The following SLC27A4 variants were observed in gnomAD, a reference collection of about 807,000 sequenced individuals.
The protein encoded by SLC27A4 is solute carrier family 27 member 4.
In SLC27A4, 33 loss-of-function variants were observed where a neutral mutation model predicts 64.4. The ratio of observed to expected loss-of-function variants is 0.51; its 90% CI spans 0.39 to 0.68. The LOEUF is 0.68. Ranked by LOEUF, SLC27A4 falls within the 30% of genes least tolerant of loss-of-function variation. The pLI, the probability that SLC27A4 is intolerant of heterozygous loss-of-function variation, is 0.00. For synonymous variants in SLC27A4, 377 were observed against 370.0 expected (o/e 1.02, Z -0.22); for missense variants, 824 against 883.5 (o/e 0.93, Z 0.85).
chr9:128,354,679 G>A (rs1355747874), intron 9 of SLC27A4, among the ~76,000 whole-genome samples: 1 of 151,990 alleles, frequency 6.6e-6, no homozygotes, highest in African/African-American at 2.4e-5. Context: ...TGGGAGTGGT[G>A]GCTCACACCT....
chr9:128,360,348 C>T lies in SLC27A4; in HGVS notation c.1789C>T (p.Gln597Ter). The change falls in exon 13 of 13, where the codon CAG becomes TAG. Residue 597 changes from glutamine to a stop codon, truncating the protein, a stop_gained. Transcript: ENST00000300456. LOFTEE classifies it high-confidence loss of function. Reference protein sequence around the residue: ...ELHKTGTYKFQKTELRKEGFD... With the variant: ...ELHKTGTYKF The stretch of plus-strand genomic sequence containing the variant: ...TGCTCTCCCAGGAACCTACAAGTTC[C>T]AGAAGACAGAGCTACGGAAGGAGGG... 1.2e-6 allele frequency: 2 copies of T among 1,614,114 alleles called. No homozygotes were observed. Among genetic ancestry groups the T allele is most frequent in the African/African-American group, 1.3e-5 (1 of 75,026 alleles).
In SLC27A4 at chr9:128,355,697, A is replaced by G; in HGVS notation, c.1675A>G (p.Asn559Asp). ...GGCTGCTGTGGCCAGCCCCACTGGCAACTGTGACCTGGAGCGCTTTGCTCA... is the reference window on the plus strand; with the variant it reads ...GGCTGCTGTGGCCAGCCCCACTGGCGACTGTGACCTGGAGCGCTTTGCTCA... The part of the protein sequence containing the change: ...GMAAVASPTG[N>D]CDLERFAQVL... Residue 559 changes from asparagine (N) to aspartate (D), a missense_variant, in exon 12 of 13, where the codon AAC becomes GAC. Physicochemically the swap from Asn to Asp is conservative, Grantham distance 23. Transcript: ENST00000300456. 1 of 1,613,090 alleles carries G rather than the reference A, an allele frequency of 6.2e-7. No individual in the cohort carries two copies. Among genetic ancestry groups the G allele is most frequent in the East Asian group, 2.2e-5 (1 of 44,884 alleles).
rs563338157 is a variant in SLC27A4, at chr9:128,345,124, A to C, written c.162-31A>C. On this transcript the variant is annotated intron_variant, in intron 2 of 12. Transcript: ENST00000300456. The surrounding 1 kb of genome is among the most constrained non-coding windows in gnomAD (Gnocchi z 4.1). Reference sequence around the variant, plus strand: ...AGGACCCCTCCCTCCCAACCATGGCAGACACAGCGCCCTCTCTTGTTCACA... The same window carrying C: ...AGGACCCCTCCCTCCCAACCATGGCCGACACAGCGCCCTCTCTTGTTCACA... 3 of 1,612,792 alleles carry C rather than the reference A, an allele frequency of 1.9e-6. No homozygotes were observed. The African/African-American group carries it at 4.0e-5, about 21-fold the overall frequency.
At chr9:128,354,228 G>A (rs1832783206) in intron 9 of SLC27A4, among the ~76,000 whole-genome samples, 1 of 151,878 alleles carries the variant, frequency 6.6e-6, no homozygotes, top group South Asian at 2.1e-4. Context: ...ACAGATGTGA[G>A]CCACCATGCC....
Position 128,345,566 on chromosome 9 carries a change from C to A in SLC27A4, c.556+17C>A. ...TGGCCTCAGGTGAGCCCCAAGGGGGCGGGGGACAAGCAGGAACCCCATGGG... is the reference window on the plus strand; with the variant it reads ...TGGCCTCAGGTGAGCCCCAAGGGGGAGGGGGACAAGCAGGAACCCCATGGG... On this transcript the variant is annotated intron_variant, in intron 3 of 12. Transcript: ENST00000300456. This position sits in a 1 kb window ranked among gnomAD's most constrained non-coding sequence, Gnocchi z 4.1. 4 of 1,591,106 alleles carry A rather than the reference C, an allele frequency of 2.5e-6. No homozygotes were observed. The highest frequency in any genetic ancestry group is 3.4e-6 in the Non-Finnish European group (4 of 1,172,470).
intron 11 of SLC27A4, 26 bp downstream of exon 11, chr9:128,355,588 G>A (rs1832807454): frequency 6.2e-7 from 1 of 1,607,552 alleles, no homozygotes; most frequent in Non-Finnish European, 8.5e-7. Flanking sequence ...CGCGAGGTGT[G>A]GGTAGGGAGG....
Position 128,355,448 on chromosome 9 carries a change from A to G in SLC27A4, c.1513A>G (p.Thr505Ala). 4 of 1,613,462 alleles carry G rather than the reference A, an allele frequency of 2.5e-6. No homozygotes were observed. The highest frequency in any genetic ancestry group is 1.3e-5 in the African/African-American group (1 of 75,014). The change falls in exon 11 of 13, where the codon ACT (threonine) becomes GCT (alanine). Residue 505 changes from threonine to alanine, a missense_variant. Physicochemically the swap from Thr to Ala is moderately conservative, Grantham distance 58 (BLOSUM62 0). Coordinates refer to ENST00000300456, the MANE Select transcript of SLC27A4 (RefSeq NM_005094.4). Reference protein sequence around the residue: ...ELGYLYFRDRTGDTFRWKGEN... With the variant: ...ELGYLYFRDRAGDTFRWKGEN... ...GGGCTACCTGTACTTCCGAGACCGC[A>G]CTGGGGACACGTTCCGCTGGAAAGG... is the stretch of plus-strand genomic sequence containing the variant.
chr9:128,341,859 C>T (rs1171872495), intron 1 of SLC27A4, among the ~76,000 whole-genome samples: 1 of 152,200 alleles, frequency 6.6e-6, no homozygotes, highest in Non-Finnish European at 1.5e-5. Flanking sequence ...CTGCCTCAGC[C>T]TCCTGAGTAG....
rs1467940872 is a variant in SLC27A4, at chr9:128,349,519, GTTTAAC to G, written c.716-790_716-785del. Among the ~76,000 whole-genome samples the G allele has an allele frequency of 3.9e-5, 6 of 152,298 alleles. No homozygotes were observed. In the East Asian group the frequency reaches 1.2e-3, roughly 29 times the overall value. On this transcript the variant is annotated intron_variant, in intron 4 of 12. Transcript: ENST00000300456. ...GTAACTGGTCATTGTCATCAGCACTGTTTAACTTCTCTCTTGTATGTGAATCTGGTC... is the reference window on the plus strand; with the variant it reads ...GTAACTGGTCATTGTCATCAGCACTGTTCTCTCTTGTATGTGAATCTGGTC...
At chr9:128,355,294 C>G in intron 10 of SLC27A4, 104 bp downstream of exon 10, 10 of 1,599,764 alleles carry the variant, frequency 6.3e-6, no homozygotes, top group Non-Finnish European at 8.5e-6. Flanking sequence ...AGTCCTGGCC[C>G]TTGTGGTCAA....
At position 128,360,374 on chromosome 9, in the gene SLC27A4, C is replaced by T; in HGVS notation, c.1815C>T (p.Gly605=). 1 of 1,614,172 alleles carries T rather than the reference C, an allele frequency of 6.2e-7. No individual in the cohort carries two copies. The stretch of plus-strand genomic sequence containing the variant: ...AGAAGACAGAGCTACGGAAGGAGGG[C>T]TTTGACCCGGCTATTGTGAAAGACC... The part of the protein sequence containing the change: ...KFQKTELRKE[G]FDPAIVKDPL... Residue 605 remains glycine (G), a synonymous_variant, in exon 13 of 13, where the codon GGC becomes GGT. Transcript: ENST00000300456.
chr9:128,352,067 C>T (rs1272224166), intron 6 of SLC27A4, among the ~76,000 whole-genome samples: 6 of 149,810 alleles, frequency 4.0e-5, no homozygotes, highest in Admixed American at 2.7e-4. Context: ...TGGTGGCGGG[C>T]GCCTGTAGTC....
intron 2 of SLC27A4, among the ~76,000 whole-genome samples, chr9:128,343,701 G>A (rs973427890): frequency 2.0e-5 from 3 of 152,224 alleles, no homozygotes; most frequent in Non-Finnish European, 4.4e-5. Context: ...TTCTAGAGCA[G>A]AGCCCCTACT....
At chr9:128,342,542 A>G (rs1265834858) in intron 1 of SLC27A4, 1 of 704,244 alleles carries the variant, frequency 1.4e-6, no homozygotes, top group Non-Finnish European at 2.4e-6. Context: ...TGCCTCTCCC[A>G]TCTGTCTATC....
chr9:128,353,025 A>T lies in SLC27A4; in HGVS notation c.988A>T (p.Ile330Phe). 1 of 1,612,810 alleles carries T rather than the reference A, an allele frequency of 6.2e-7. No individual in the cohort carries two copies. The highest frequency in any genetic ancestry group is 8.5e-7 in the Non-Finnish European group (1 of 1,179,336). ...WDDCIKYNCT[I>F]VQYIGELCRY... Reference sequence around the variant, plus strand: ...CGAATCACACCAAGTTCACCCCCAGATTGTGCAGTACATTGGTGAACTGTG... The same window carrying T: ...CGAATCACACCAAGTTCACCCCCAGTTTGTGCAGTACATTGGTGAACTGTG... The change falls in exon 8 of 13, where the codon ATT becomes TTT. Residue 330 changes from isoleucine to phenylalanine, a missense_variant and splice_region_variant. Transcript: ENST00000300456. The surrounding 1 kb of genome is among the most constrained non-coding windows in gnomAD (Gnocchi z 4.9).
At chr9:128,350,731 G>A (rs570112765) in intron 6 of SLC27A4, among the ~76,000 whole-genome samples, 156 bp downstream of exon 6, 6 of 152,304 alleles carry the variant, frequency 3.9e-5, no homozygotes, top group East Asian at 1.9e-4. Context: ...CAAGGTGGGC[G>A]GATCACTTGA....
At chr9:128,350,446 C>G in intron 5 of SLC27A4, 38 bp from the exon 6 acceptor site, 1 of 1,612,016 alleles carries the variant, frequency 6.2e-7, no homozygotes, top group Non-Finnish European at 8.5e-7. Flanking sequence ...TTCTGCCTTT[C>G]TAGGGCCCGC....
At position 128,345,400 on chromosome 9, in the gene SLC27A4, G is replaced by C; in HGVS notation, c.407G>C (p.Arg136Pro). Residue 136 changes from arginine to proline, a missense_variant, in exon 3 of 13, where the codon CGC becomes CCC. Transcript: ENST00000300456. The surrounding 1 kb of genome is among the most constrained non-coding windows in gnomAD (Gnocchi z 4.1). ...GTGGCTGCCATCTTCATGGAGAACC[G>C]CAATGAGTTCGTGGGCCTATGGCTG... ...GDVAAIFMEN[R>P]NEFVGLWLGM... 1 of 1,613,748 alleles carries C rather than the reference G, an allele frequency of 6.2e-7. No homozygotes were observed. Among genetic ancestry groups the C allele is most frequent in the Non-Finnish European group, 8.5e-7 (1 of 1,180,032 alleles).
chr9:128,355,683 C>G lies in SLC27A4; in HGVS notation c.1661C>G (p.Ala554Gly). 6.2e-7 allele frequency: 1 copy of G among 1,612,490 alleles called. No homozygotes were observed. Among genetic ancestry groups the G allele is most frequent in the South Asian group, 1.1e-5 (1 of 91,090 alleles). Reference protein sequence around the residue: ...TEGRAGMAAVASPTGNCDLER... With the variant: ...TEGRAGMAAVGSPTGNCDLER... ...GGCCGGGCCGGAATGGCTGCTGTGG[C>G]CAGCCCCACTGGCAACTGTGACCTG... Residue 554 changes from alanine to glycine, a missense_variant, in exon 12 of 13, where the codon GCC becomes GGC. Physicochemically the swap from Ala to Gly is moderately conservative, Grantham distance 60 (BLOSUM62 0). Coordinates refer to ENST00000300456, the MANE Select transcript of SLC27A4 (RefSeq NM_005094.4).
Sources: gnomAD v4.1 joint callset for allele counts (sites outside exome capture counted in the v4.1 genomes callset) on GRCh38, gnomAD v4.1.1 for gene constraint, Gnocchi (gnomAD v3.1) non-coding constraint, MANE v1.5 for transcripts, NCBI Gene and HGNC (gene_info 2026-07-23, HGNC 2026-07-21) for gene names.